The following OR14I1 variants were observed in gnomAD, a reference collection of about 807,000 sequenced individuals.
OR14I1 encodes olfactory receptor 14I1.
For synonymous variants in OR14I1, 118 were observed against 71.1 expected (o/e 1.66, Z -3.32); for missense variants, 279 against 181.8 (o/e 1.53, Z -3.07).
chr1:248,698,963 A>C, the OR14I1 span: 9 of 152,172 alleles, frequency 5.9e-5, no homozygotes, highest in Admixed American at 5.9e-4. Context: ...CAAGAGTAGA[A>C]ATTGCAAATC....
At chr1:248,683,485 C>T (rs575421199), upstream of OR14I1, among the ~76,000 whole-genome samples, 1 of 152,238 alleles carries the variant, frequency 6.6e-6, no homozygotes, top group Admixed American at 6.5e-5. Context: ...TGCCTTATTT[C>T]ATTAATGATA....
At chr1:248,681,618 T>C in exon 1 of OR14I1, 1 of 781,020 alleles carries the variant, frequency 1.3e-6, no homozygotes, top group African/African-American at 1.7e-5. Context: ...CTCGACTCTG[T>C]CCTGAAGGGA....
At chr1:248,696,497 A>G in the OR14I1 span, among the ~76,000 whole-genome samples, 1 of 152,174 alleles carries the variant, frequency 6.6e-6, no homozygotes, top group Non-Finnish European at 1.5e-5. Context: ...TCACTAGGAC[A>G]TTATTATGGA....
chr1:248,699,217 G>A, the OR14I1 span: 2 of 152,312 alleles, frequency 1.3e-5, no homozygotes, highest in African/African-American at 4.8e-5. Context: ...CATAAAGTGT[G>A]TTAGGGTCAA....
the OR14I1 span, among the ~76,000 whole-genome samples, chr1:248,702,117 A>G: frequency 6.6e-6 from 1 of 152,136 alleles, no homozygotes; most frequent in Non-Finnish European, 1.5e-5. Context: ...ATCCACCCCC[A>G]TGATCCTGGT....
the OR14I1 span, among the ~76,000 whole-genome samples, chr1:248,696,818 A>C: frequency 6.6e-6 from 1 of 151,914 alleles, no homozygotes; most frequent in Admixed American, 6.6e-5. Context: ...TGCTTCCTCC[A>C]TCTGAAAATG....
At chr1:248,681,285 A>AT, downstream of OR14I1, 1 of 582,018 alleles carries the variant, frequency 1.7e-6, no homozygotes, top group Non-Finnish European at 3.0e-6. Flanking sequence ...TTCATCAACA[A>AT]TTTTTTCATC....
upstream of OR14I1, among the ~76,000 whole-genome samples, chr1:248,684,757 C>CATATATATATATATATATATATATATAT (rs376621560): frequency 4.7e-4 from 68 of 145,054 alleles, 1 homozygote; most frequent in African/African-American, 1.6e-3. Flanking sequence ...CACACACATA[C>CATATATATATATATATATATATATATAT]ATATATATAT....
exon 1 of OR14I1, chr1:248,681,754 G>A: frequency 1.3e-6 from 1 of 781,078 alleles, no homozygotes; most frequent in Non-Finnish European, 2.4e-6. Flanking sequence ...GGAAACCAGG[G>A]CCAACACATG....
the OR14I1 span, among the ~76,000 whole-genome samples, chr1:248,691,426 T>C: frequency 1.2e-4 from 18 of 152,214 alleles, no homozygotes; most frequent in Admixed American, 8.5e-4. Context: ...TAGGGTAGAA[T>C]GTTCCCGTCA....
At chr1:248,681,562 A>T (rs776908510) in exon 1 of OR14I1, 1 of 781,054 alleles carries the variant, frequency 1.3e-6, no homozygotes, top group Non-Finnish European at 2.4e-6. Context: ...GGTAAGAAAG[A>T]GCATGATGAC....
At chr1:248,682,238 C>G (rs778404679) in exon 1 of OR14I1, 1 of 776,012 alleles carries the variant, frequency 1.3e-6, no homozygotes, top group Non-Finnish European at 2.4e-6. Flanking sequence ...GCGTGCAGCA[C>G]CTGCAGCTCC....
At chr1:248,681,359 C>G (rs767618852) in exon 1 of OR14I1, 1 of 715,204 alleles carries the variant, frequency 1.4e-6, no homozygotes, top group African/African-American at 1.8e-5. Flanking sequence ...ATAGTAAAGA[C>G]CAGGATGTTC....
At chr1:248,681,582 G>C (rs201585486) in exon 1 of OR14I1, 8 of 780,878 alleles carry the variant, frequency 1.0e-5, no homozygotes, top group Non-Finnish European at 1.2e-5. Flanking sequence ...CAATGAGCTG[G>C]GGGGAGCAGG....
chr1:248,680,273 G>A (rs1398901964), downstream of OR14I1, among the ~76,000 whole-genome samples: 1 of 152,136 alleles, frequency 6.6e-6, no homozygotes, highest in Non-Finnish European at 1.5e-5. Context: ...TATATTTACA[G>A]AATTTTATGT....
At chr1:248,682,968 CA>C (rs1421029935), upstream of OR14I1, among the ~76,000 whole-genome samples, 1 of 152,142 alleles carries the variant, frequency 6.6e-6, no homozygotes, top group Admixed American at 6.5e-5. Context: ...TGCCATTACC[CA>C]TGTGTTGCAC....
upstream of OR14I1, among the ~76,000 whole-genome samples, chr1:248,683,862 C>T (rs183920436): frequency 3.4e-4 from 52 of 152,248 alleles, 1 homozygote; most frequent in East Asian, 5.0e-3. Flanking sequence ...GCTGAAATCC[C>T]GTCTCTACTG....
chr1:248,696,747 C>G, the OR14I1 span, among the ~76,000 whole-genome samples: 2 of 152,216 alleles, frequency 1.3e-5, no homozygotes, highest in Admixed American at 6.5e-5. Context: ...CCTGTTTTGT[C>G]TCTCTCCGTA....
downstream of OR14I1, chr1:248,681,249 T>G (rs894885101): frequency 7.6e-6 from 4 of 527,102 alleles, no homozygotes; most frequent in South Asian, 2.8e-5. Context: ...ATTCAACAGG[T>G]TTTTTTTTTC....
Sources: allele counts gnomAD v4.1 joint callset (sites outside exome capture counted in the v4.1 genomes callset), GRCh38; gene constraint gnomAD v4.1.1; transcripts MANE v1.5; gene names NCBI Gene and HGNC (gene_info 2026-07-23, HGNC 2026-07-21).